Variants in GCC2 observed in about 807,000 individuals in gnomAD.
The protein encoded by GCC2 is GRIP and coiled-coil domain containing 2.
A neutral mutation model predicts 210.6 loss-of-function variants in GCC2; 120 were observed. The observed-to-expected ratio is 0.57, with a 90% CI of 0.49 to 0.66. The LOEUF (loss-of-function observed/expected upper bound fraction) is 0.66. GCC2 is among the 30% of genes least tolerant of loss of function. The probability of loss-of-function intolerance (pLI) is 0.00; values close to 1 mark genes in which losing one functional copy is unlikely to be tolerated. For missense variants in GCC2, 1,868 were observed against 1,871.9 expected (o/e 1.00, Z 0.04); for synonymous variants, 703 against 652.7 (o/e 1.08, Z -1.17).
chr2:108,464,225 G>A lies in GCC2; in HGVS notation c.217-4755G>A, dbSNP rs559697253. 8.5e-5 allele frequency among the ~76,000 whole-genome samples: 13 copies of A among 152,234 alleles called. No individual in the cohort carries two copies. In the South Asian group the frequency reaches 1.9e-3, roughly 22 times the overall value. On this transcript the variant is annotated intron_variant, in intron 4 of 22. Coordinates refer to ENST00000309863, the MANE Select transcript of GCC2 (RefSeq NM_181453.4). ...CATAGGTAGGCAGCATCACCTGTGC[G>A]TCGGCCCACAGCGGTCTTTAGCCAC... is the stretch of plus-strand genomic sequence containing the variant.
chr2:108,475,430 A>T (rs1681457431), intron 7 of GCC2, 105 bp from the exon 8 acceptor site: 1 of 531,996 alleles, frequency 1.9e-6, no homozygotes, highest in Non-Finnish European at 3.3e-6. Context: ...TTTAATATCA[A>T]ATTACCAATT....
At chr2:108,498,969 G>T (rs1001469193) in intron 21 of GCC2, among the ~76,000 whole-genome samples, 3 of 149,120 alleles carry the variant, frequency 2.0e-5, no homozygotes, top group African/African-American at 5.0e-5. Context: ...GCTCCAGTTA[G>T]TTGCTCCTCA....
rs558055277 is a variant in GCC2 at position 108,507,718 on chromosome 2, G to A, written c.*88G>A. The A allele has an allele frequency of 4.6e-5, 44 of 951,202 alleles. No individual in the cohort carries two copies. The highest frequency in any genetic ancestry group is 3.2e-4 in the Admixed American group (15 of 46,728). 58.9% of individuals were successfully genotyped at this position (951,202 alleles called of 1,614,324 possible). ...ATTACCACAATTCTTTTGTCAAAAA[G>A]TGTGTATATATGTTTGCATCTACAT... On this transcript the variant is annotated 3_prime_UTR_variant, in exon 23 of 23. Transcript: ENST00000309863.
Position 108,508,899 on chromosome 2 carries a change from T to G in GCC2, c.*1269T>G, listed in dbSNP as rs1683345537. On this transcript the variant is annotated 3_prime_UTR_variant, in exon 23 of 23. Transcript: ENST00000309863. ...TAAGCCTTCAGTTTATACTCTTAAT[T>G]TAATTTTCTTTCTGAGCTGGAGAAC... is the stretch of plus-strand genomic sequence containing the variant. 1 of 152,590 alleles carries G rather than the reference T, an allele frequency of 6.6e-6. No individual in the cohort carries two copies. Among genetic ancestry groups the G allele is most frequent in the South Asian group, 2.1e-4 (1 of 4,832 alleles). 9.5% of individuals were successfully genotyped at this position (152,590 alleles called of 1,614,324 possible).
At chr2:108,469,503 T>TA in intron 5 of GCC2, 148 bp from the exon 6 acceptor site, 2 of 584,054 alleles carry the variant, frequency 3.4e-6, no homozygotes, top group Non-Finnish European at 6.0e-6. Context: ...TAAGGAGAGT[T>TA]ATTGGAATAT....
intron 4 of GCC2, among the ~76,000 whole-genome samples, chr2:108,457,196 C>A (rs1381415117): frequency 1.3e-5 from 2 of 152,208 alleles, no homozygotes; most frequent in East Asian, 1.9e-4. Flanking sequence ...CACTTTCATT[C>A]TTCTGCATAT....
At chr2:108,462,214 C>T (rs182951763) in intron 4 of GCC2, among the ~76,000 whole-genome samples, 5 of 143,962 alleles carry the variant, frequency 3.5e-5, no homozygotes, top group Admixed American at 2.8e-4. Flanking sequence ...ATTTGGAGGC[C>T]GGGCGCAGTG....
chr2:108,461,838 T>TTTC (rs1680600620), intron 4 of GCC2, among the ~76,000 whole-genome samples: 1 of 139,090 alleles, frequency 7.2e-6, no homozygotes, highest in African/African-American at 2.7e-5. Flanking sequence ...TTCTTTTTCT[T>TTTC]TTTTTTTTTT....
chr2:108,481,671 A>T (rs763638581), intron 9 of GCC2, 26 bp from the exon 10 acceptor site: 2 of 1,560,924 alleles, frequency 1.3e-6, no homozygotes, highest in East Asian at 4.5e-5. Context: ...ATTATATACC[A>T]AAGTTAAATC....
chr2:108,468,981 C>A lies in GCC2; in HGVS notation c.218C>A (p.Ala73Glu). The A allele has an allele frequency of 6.3e-7, 1 of 1,595,872 alleles. No individual in the cohort carries two copies. ...VTEGTGDIIK[A>E]LTERLDALLL... ...CAAATAAATCTTGTTCTAAAATAGG[C>A]ATTAACTGAACGTCTGGATGCTCTT... Residue 73 changes from alanine (A) to glutamate (E), a missense_variant and splice_region_variant, in exon 5 of 23, where the codon GCA (alanine) becomes GAA (glutamate). Transcript: ENST00000309863.
At chr2:108,475,298 C>T (rs1002825122) in intron 7 of GCC2, 3 of 268,850 alleles carry the variant, frequency 1.1e-5, no homozygotes, top group African/African-American at 2.2e-5. Flanking sequence ...ACATATGAAA[C>T]GGCTAGAAAA....
chr2:108,480,217 C>A (rs1401311018), intron 9 of GCC2, among the ~76,000 whole-genome samples: 2 of 152,182 alleles, frequency 1.3e-5, no homozygotes, highest in Admixed American at 6.5e-5. Context: ...GATACCACCT[C>A]ACATCAGTCA....
chr2:108,506,527 A>G (rs974607404), intron 22 of GCC2, among the ~76,000 whole-genome samples: 3 of 152,208 alleles, frequency 2.0e-5, no homozygotes, highest in African/African-American at 7.2e-5. Flanking sequence ...GTGGTACGTA[A>G]CTGTGCATTT....
intron 4 of GCC2, among the ~76,000 whole-genome samples, chr2:108,459,745 CTTTTTTTTTTTTTTTTTTT>C (rs34052393): frequency 0.018 from 491 of 26,822 alleles, 22 homozygotes; most frequent in African/African-American, 0.059. Flanking sequence ...CCTTCTTTGT[CTTTTTTTTTTTTTTTTTTT>C]TTTTTTTTTT....
rs142777791 is a variant in GCC2 at position 108,484,223 on chromosome 2, G to A, written c.3525G>A (p.Lys1175=). ...YERLMKELNQ[K]LTNKNNKIED... is the part of the protein sequence containing the mutation. ...GTTTGATGAAAGAACTAAATCAAAA[G>A]TTAACTAATAAAAACAACAAGATAG... Residue 1175 remains lysine (K), a synonymous_variant, in exon 13 of 23, where the codon AAG becomes AAA. Coordinates refer to ENST00000309863, the MANE Select transcript of GCC2 (RefSeq NM_181453.4). The A allele has an allele frequency of 2.2e-4, 354 of 1,584,122 alleles. 2 individuals carry two copies. The African/African-American group carries it at 3.8e-3, about 17-fold the overall frequency.
At chr2:108,493,099 C>CT (rs1021541142) in intron 19 of GCC2, among the ~76,000 whole-genome samples, 3 of 151,852 alleles carry the variant, frequency 2.0e-5, no homozygotes, top group African/African-American at 4.8e-5. Context: ...CGTGACATGT[C>CT]TTTTTTTTGA....
intron 18 of GCC2, 110 bp from the exon 19 acceptor site, chr2:108,492,463 A>G (rs1299144981): frequency 7.2e-6 from 5 of 692,712 alleles, no homozygotes; most frequent in Non-Finnish European, 7.9e-6. Context: ...GTTGATTCAT[A>G]CATTCAGTAG....
chr2:108,469,180 AAT>A, intron 5 of GCC2, 96 bp downstream of exon 5: 1 of 587,324 alleles, frequency 1.7e-6, no homozygotes, highest in Non-Finnish European at 2.9e-6. Context: ...TAATCTGATT[AAT>A]ATTTTATAAT....
At chr2:108,482,146 A>T in intron 10 of GCC2, 141 bp from the exon 11 acceptor site, 1 of 584,574 alleles carries the variant, frequency 1.7e-6, no homozygotes, top group Non-Finnish European at 3.0e-6. Context: ...ACTGATTCTT[A>T]ATATTATCGT....
Sources: gnomAD v4.1 joint callset for allele counts (sites outside exome capture counted in the v4.1 genomes callset) on GRCh38, gnomAD v4.1.1 for gene constraint, MANE v1.5 for transcripts, NCBI Gene and HGNC (gene_info 2026-07-23, HGNC 2026-07-21) for gene names.